The following KREMEN1 variants were observed in gnomAD, a reference collection of about 807,000 sequenced individuals.
KREMEN1 encodes kremen protein 1.
Under a neutral mutation model 46.5 loss-of-function variants are expected in KREMEN1, and 30 were observed. The ratio of observed to expected loss-of-function variants is 0.65; its 90% CI spans 0.48 to 0.88. The LOEUF (loss-of-function observed/expected upper bound fraction) is 0.88. Ranked by LOEUF, KREMEN1 falls within the 40% of genes least tolerant of loss-of-function variation. KREMEN1 has a pLI of 0.00. For missense variants in KREMEN1, 533 were observed against 596.9 expected (o/e 0.89, Z 1.11); for synonymous variants, 214 against 230.6 (o/e 0.93, Z 0.65).
intron 4 of KREMEN1, among the ~76,000 whole-genome samples, chr22:29,122,554 A>G (rs1397231422): frequency 6.6e-6 from 1 of 152,202 alleles, no homozygotes; most frequent in Non-Finnish European, 1.5e-5. Flanking sequence ...AACTGTAAAT[A>G]ATCTAAACGT....
exon 10 of KREMEN1, chr22:29,167,375 G>C (rs1416583235): frequency 8.3e-6 from 4 of 482,142 alleles, no homozygotes; most frequent in African/African-American, 2.0e-5. Flanking sequence ...TAGAAAGAAA[G>C]AAAGAGAAAC....
At position 29,081,542 on chromosome 22, in the gene KREMEN1, C is replaced by T. The variant is rs143691951; in HGVS notation, c.97+8315C>T. Reference sequence around the variant, plus strand: ...AACCCTAATCGAGCTTCATGGAACACTCCATGAAACTTTAAAGCTTTGACA... The same window carrying T: ...AACCCTAATCGAGCTTCATGGAACATTCCATGAAACTTTAAAGCTTTGACA... On this transcript the variant is annotated intron_variant, in intron 1 of 8. Transcript: ENST00000400335. 1.9e-3 allele frequency among the ~76,000 whole-genome samples: 282 copies of T among 152,260 alleles called. 7 individuals are homozygous for T. In the East Asian group the frequency reaches 0.04, roughly 22 times the overall value.
At position 29,141,855 on chromosome 22, in the gene KREMEN1, A is replaced by G. The variant is rs1372234019; in HGVS notation, c.1209-89A>G. 4 of 1,078,052 alleles carry G rather than the reference A, an allele frequency of 3.7e-6. No homozygotes were observed. The Admixed American group carries it at 7.9e-5, about 21-fold the overall frequency. The allele number at this position is 1,078,052 out of a possible 1,614,324, so 66.8% of individuals were successfully genotyped here. A position where few individuals can be genotyped will look rare whatever the true frequency, so the allele number is the denominator to read the frequency against. ...GAGGTCCTTCCCAAGACCTTGCCCC[A>G]CCCCATTTCATAGATACAGTATCTC... On this transcript the variant is annotated intron_variant, in intron 8 of 8. Transcript: ENST00000400335.
At chr22:29,149,591 CAA>C (rs1390693298), downstream of KREMEN1, among the ~76,000 whole-genome samples, 1 of 152,062 alleles carries the variant, frequency 6.6e-6, no homozygotes, top group African/African-American at 2.4e-5. Flanking sequence ...TGGTGGAAAA[CAA>C]ACAGGGCGGC....
intron 3 of KREMEN1, among the ~76,000 whole-genome samples, chr22:29,108,348 G>A (rs1363385681): frequency 4.6e-5 from 7 of 152,204 alleles, no homozygotes; most frequent in Non-Finnish European, 8.8e-5. Flanking sequence ...TCCCATAAGA[G>A]ACAACACAAG....
intron 3 of KREMEN1, among the ~76,000 whole-genome samples, chr22:29,113,865 G>A (rs1034392359): frequency 1.3e-5 from 2 of 152,130 alleles, no homozygotes; most frequent in Admixed American, 6.6e-5. Flanking sequence ...TTTTTCATAC[G>A]GTTCTTATAA....
intron 8 of KREMEN1, among the ~76,000 whole-genome samples, chr22:29,141,234 T>TGG (rs1442160985): frequency 1.3e-5 from 2 of 150,766 alleles, no homozygotes; most frequent in African/African-American, 4.9e-5. Context: ...CTCGTGTGTG[T>TGG]GTGTGTGTGT....
At chr22:29,082,303 C>T (rs2037667706) in intron 1 of KREMEN1, among the ~76,000 whole-genome samples, 1 of 152,180 alleles carries the variant, frequency 6.6e-6, no homozygotes, top group Non-Finnish European at 1.5e-5. Flanking sequence ...GTAATCCTCC[C>T]ACCTTGGCCT....
Position 29,114,123 on chromosome 22 carries a change from G to A in KREMEN1, c.353-7234G>A, listed in dbSNP as rs536190321. The stretch of plus-strand genomic sequence containing the variant: ...TGGTATTTGGAGATGAGGCCCTTGG[G>A]GAGGTAATTAGGCTTAGATGAGGTC... On this transcript the variant is annotated intron_variant, in intron 3 of 8. Transcript: ENST00000400335. Among the ~76,000 whole-genome samples the A allele has an allele frequency of 2.6e-5, 4 of 152,152 alleles. No homozygotes were observed. In the South Asian group the frequency reaches 6.2e-4, roughly 24 times the overall value.
At chr22:29,119,913 C>T (rs2038303319) in intron 3 of KREMEN1, among the ~76,000 whole-genome samples, 2 of 152,172 alleles carry the variant, frequency 1.3e-5, no homozygotes, top group Admixed American at 1.3e-4. Context: ...ATAGATTATC[C>T]AGGTGAGACC....
At chr22:29,110,980 T>G (rs2038137704) in intron 3 of KREMEN1, among the ~76,000 whole-genome samples, 1 of 152,192 alleles carries the variant, frequency 6.6e-6, no homozygotes. Context: ...AATCAGCTAC[T>G]GAGGCACCAG....
chr22:29,143,397 G>A lies in KREMEN1; in HGVS notation c.*1285G>A. On this transcript the variant is annotated 3_prime_UTR_variant, in exon 9 of 9. Coordinates refer to ENST00000400335, the MANE Select transcript of KREMEN1 (RefSeq NM_001039570.3). ...TTTGCCCTTAGGCAGCACTATATGA[G>A]ACATGGGGCCTGTGGTCCTTCCTTC... The A allele has an allele frequency of 3.0e-6, 3 of 985,406 alleles. No individual in the cohort carries two copies. Among genetic ancestry groups the A allele is most frequent in the Non-Finnish European group, 3.6e-6 (3 of 829,990 alleles). The allele number at this position is 985,406 out of a possible 1,614,324, so 61.0% of individuals were successfully genotyped here. A position where few individuals can be genotyped will look rare whatever the true frequency, so the allele number is the denominator to read the frequency against.
intron 1 of KREMEN1, among the ~76,000 whole-genome samples, chr22:29,089,760 C>G (rs188907649): frequency 6.6e-6 from 1 of 152,322 alleles, no homozygotes; most frequent in Non-Finnish European, 1.5e-5. Flanking sequence ...TTCTCCTGCT[C>G]CAGTCAGATT....
intron 1 of KREMEN1, among the ~76,000 whole-genome samples, chr22:29,079,977 A>G (rs1441731396): frequency 6.6e-6 from 1 of 152,232 alleles, no homozygotes; most frequent in Non-Finnish European, 1.5e-5. Context: ...CACAGAAGCC[A>G]TATTTGTTTT....
intron 2 of KREMEN1, among the ~76,000 whole-genome samples, chr22:29,097,936 C>T (rs965278069): frequency 6.6e-6 from 1 of 152,102 alleles, no homozygotes; most frequent in African/African-American, 2.4e-5. Context: ...AGTCTCAGCA[C>T]TTTGCGGGGC....
At chr22:29,148,236 C>T (rs113412376), downstream of KREMEN1, among the ~76,000 whole-genome samples, 1 of 152,266 alleles carries the variant, frequency 6.6e-6, no homozygotes, top group African/African-American at 2.4e-5. Flanking sequence ...CTGAGCCCCC[C>T]ACAAGGAGCA....
chr22:29,132,378 G>A (rs1017927212), intron 5 of KREMEN1, among the ~76,000 whole-genome samples: 1 of 152,140 alleles, frequency 6.6e-6, no homozygotes, highest in Non-Finnish European at 1.5e-5. Context: ...TTTCTCTTGG[G>A]TACCTACCTA....
intron 2 of KREMEN1, among the ~76,000 whole-genome samples, 197 bp downstream of exon 2, chr22:29,094,617 T>G (rs2037853976): frequency 7.8e-6 from 1 of 127,486 alleles, no homozygotes; most frequent in Non-Finnish European, 1.7e-5. Context: ...ACACACACAA[T>G]TTACCACTCT....
Position 29,094,440 on chromosome 22 carries a change from T to G in KREMEN1, c.260+20T>G, listed in dbSNP as rs1569315992. The G allele has an allele frequency of 6.3e-7, 1 of 1,598,638 alleles. No individual in the cohort carries two copies. Among genetic ancestry groups the G allele is most frequent in the Admixed American group, 1.8e-5 (1 of 56,866 alleles). ...TTGCAGGTAAGATGGGGCCACTCAG[T>G]ACTTTAAAAAGATAGATATATATCT... On this transcript the variant is annotated intron_variant, in intron 2 of 8. Transcript: ENST00000400335.
Sources: gnomAD v4.1 joint callset for allele counts (sites outside exome capture counted in the v4.1 genomes callset) on GRCh38, gnomAD v4.1.1 for gene constraint, MANE v1.5 for transcripts, NCBI Gene and HGNC (gene_info 2026-07-23, HGNC 2026-07-21) for gene names.